Variants in WBP2NL observed in about 807,000 individuals in gnomAD.
The protein encoded by WBP2NL is WBP2 N-terminal like, also known as postacrosomal sheath WW domain-binding protein.
Under a neutral mutation model 23.3 loss-of-function variants are expected in WBP2NL, and 27 were observed. That is an observed-to-expected ratio of 1.16 (90% confidence interval 0.85 to 1.60). The LOEUF is 1.60. Among genes scored for constraint, WBP2NL ranks in the 40% most tolerant of loss-of-function variants. The pLI is 0.00. For synonymous variants in WBP2NL, 151 were observed against 145.9 expected (o/e 1.03, Z -0.25); for missense variants, 370 against 389.5 (o/e 0.95, Z 0.42).
chr22:42,037,827 C>CG (rs1925243118), downstream of WBP2NL, among the ~76,000 whole-genome samples: 2 of 134,508 alleles, frequency 1.5e-5, no homozygotes, highest in Non-Finnish European at 3.1e-5. Flanking sequence ...GGGGGAGGTG[C>CG]GGGGAGAGAG....
chr22:42,047,548 C>T (rs1925641351), intron 8 of WBP2NL, among the ~76,000 whole-genome samples: 2 of 151,398 alleles, frequency 1.3e-5, no homozygotes, highest in Non-Finnish European at 2.9e-5. Context: ...TGAGATCACG[C>T]CACTGCACAG....
intron 1 of WBP2NL, among the ~76,000 whole-genome samples, chr22:42,002,266 T>G (rs910299920): frequency 2.0e-5 from 3 of 152,246 alleles, no homozygotes; most frequent in African/African-American, 7.2e-5. Context: ...TTCTTAGTTC[T>G]AAGAGCTTTA....
intron 1 of WBP2NL, among the ~76,000 whole-genome samples, chr22:42,000,526 A>G (rs1201298364): frequency 6.6e-6 from 1 of 152,222 alleles, no homozygotes; most frequent in Admixed American, 6.5e-5. Flanking sequence ...CATCATCATC[A>G]TCATAGAAAT....
downstream of WBP2NL, among the ~76,000 whole-genome samples, chr22:42,029,464 C>G (rs895857785): frequency 3.3e-5 from 5 of 152,078 alleles, no homozygotes; most frequent in Non-Finnish European, 5.9e-5. Flanking sequence ...CTCCACCTCC[C>G]AGGTTCAGGC....
chr22:42,035,666 T>C (rs575127472), downstream of WBP2NL, among the ~76,000 whole-genome samples: 184 of 152,354 alleles, frequency 1.2e-3, 1 homozygote, highest in African/African-American at 4.4e-3. Flanking sequence ...ATTTAATATT[T>C]ATGACATACA....
At position 42,026,891 on chromosome 22, in the gene WBP2NL, C is replaced by A; in HGVS notation, c.640C>A (p.Pro214Thr). The change falls in exon 6 of 6, where the codon CCT becomes ACT. Residue 214 changes from proline to threonine, a missense_variant. Pro to Thr is a conservative substitution (Grantham distance 38). Transcript: ENST00000328823. ...EGPPVGYRAS[P>T]VRYGAPPLGY... ...CCCGCCTGTGGGATACAGAGCCTCACCTGTGCGATATGGAGCCCCACCTCT... is the reference window on the plus strand; with the variant it reads ...CCCGCCTGTGGGATACAGAGCCTCAACTGTGCGATATGGAGCCCCACCTCT... The A allele has an allele frequency of 6.2e-7, 1 of 1,613,074 alleles. No homozygotes were observed. The highest frequency in any genetic ancestry group is 1.1e-5 in the South Asian group (1 of 91,020).
At chr22:42,011,483 C>A (rs1309274199) in intron 1 of WBP2NL, among the ~76,000 whole-genome samples, 1 of 151,962 alleles carries the variant, frequency 6.6e-6, no homozygotes, top group Non-Finnish European at 1.5e-5. Flanking sequence ...AAACTCCTGG[C>A]CTCGAGCAAT....
intron 5 of WBP2NL, among the ~76,000 whole-genome samples, chr22:42,023,075 A>G (rs543748468): frequency 6.6e-6 from 1 of 152,362 alleles, no homozygotes; most frequent in East Asian, 1.9e-4. Flanking sequence ...CACATAACAT[A>G]TAATTAACAT....
At chr22:42,048,910 G>T (rs181744077) in intron 8 of WBP2NL, among the ~76,000 whole-genome samples, 1 of 152,302 alleles carries the variant, frequency 6.6e-6, no homozygotes, top group East Asian at 1.9e-4. Flanking sequence ...TTCTTGCTAA[G>T]ATCAGGAATA....
downstream of WBP2NL, among the ~76,000 whole-genome samples, chr22:42,034,618 C>T (rs1480292280): frequency 2.0e-5 from 3 of 152,132 alleles, no homozygotes; most frequent in Non-Finnish European, 1.5e-5. Context: ...GTTTATTAGG[C>T]GGGAATTTCC....
chr22:42,024,194 T>TA (rs1924256952), intron 5 of WBP2NL, among the ~76,000 whole-genome samples: 7 of 152,260 alleles, frequency 4.6e-5, no homozygotes. Flanking sequence ...GGCTGAATAA[T>TA]ACTCCATTGT....
At chr22:42,020,158 T>TTTG (rs142519916) in intron 4 of WBP2NL, 62 bp downstream of exon 4, 6 of 1,470,272 alleles carry the variant, frequency 4.1e-6, no homozygotes, top group African/African-American at 2.9e-5. Flanking sequence ...GTTTGGGTTT[T>TTTG]TTGTTGTTGT....
At chr22:42,013,595 A>G (rs541119198) in intron 1 of WBP2NL, among the ~76,000 whole-genome samples, 2 of 151,520 alleles carry the variant, frequency 1.3e-5, no homozygotes, top group Admixed American at 1.3e-4. Context: ...GTATTTCATT[A>G]AATTTGGGAA....
At chr22:42,019,471 T>A in intron 2 of WBP2NL, 52 bp downstream of exon 2, 1 of 1,581,930 alleles carries the variant, frequency 6.3e-7, no homozygotes, top group Non-Finnish European at 8.6e-7. Flanking sequence ...TTTGTTTTCC[T>A]TGAAATGAAG....
At chr22:42,048,952 A>G (rs575753044) in intron 8 of WBP2NL, among the ~76,000 whole-genome samples, 4 of 152,284 alleles carry the variant, frequency 2.6e-5, no homozygotes, top group East Asian at 3.9e-4. Flanking sequence ...TTCCTATTCT[A>G]TTGAACCTCC....
In WBP2NL at chr22:42,019,985, G is replaced by A; in HGVS notation, c.314-19G>A. Reference sequence around the variant, plus strand: ...GCTATGCCAGTTTCTTGGTGAGTGTGTGCCATTTCTTCCCCCAGGTGGCTG... The same window carrying A: ...GCTATGCCAGTTTCTTGGTGAGTGTATGCCATTTCTTCCCCCAGGTGGCTG... On this transcript the variant is annotated intron_variant, in intron 3 of 5. Transcript: ENST00000328823. 1.2e-6 allele frequency: 2 copies of A among 1,611,600 alleles called. No homozygotes were observed. The highest frequency in any genetic ancestry group is 1.1e-5 in the South Asian group (1 of 90,842).
intron 8 of WBP2NL, among the ~76,000 whole-genome samples, chr22:42,048,337 G>A (rs1252141433): frequency 4.6e-5 from 7 of 150,758 alleles, no homozygotes; most frequent in African/African-American, 9.8e-5. Flanking sequence ...GCAGTGAGCC[G>A]GGATTGCACC....
At chr22:42,004,117 G>C (rs184739369) in intron 1 of WBP2NL, among the ~76,000 whole-genome samples, 271 of 152,050 alleles carry the variant, frequency 1.8e-3, no homozygotes, top group African/African-American at 6.1e-3. Context: ...CTAAGAATAT[G>C]TAAAATTTGC....
intron 1 of WBP2NL, 22 bp downstream of exon 1, chr22:41,998,902 G>A (rs1921222948): frequency 1.2e-6 from 2 of 1,604,228 alleles, no homozygotes; most frequent in Non-Finnish European, 1.7e-6. Flanking sequence ...GAAGCACGGC[G>A]TGCTGTCGGA....
Sources: allele counts gnomAD v4.1 joint callset (sites outside exome capture counted in the v4.1 genomes callset), GRCh38; gene constraint gnomAD v4.1.1; transcripts MANE v1.5; gene names NCBI Gene and HGNC (gene_info 2026-07-23, HGNC 2026-07-21).